The following PLPP4 variants were observed in gnomAD, a reference collection of about 807,000 sequenced individuals.
PLPP4 encodes the protein phospholipid phosphatase 4.
A neutral mutation model predicts 32.2 loss-of-function variants in PLPP4; 20 were observed. The ratio of observed to expected loss-of-function variants is 0.62; its 90% CI spans 0.44 to 0.90. The LOEUF (loss-of-function observed/expected upper bound fraction) is 0.90. PLPP4 is among the 40% of genes least tolerant of loss of function. The probability of loss-of-function intolerance (pLI) is 0.00; values close to 1 mark genes in which losing one functional copy is unlikely to be tolerated. For synonymous variants in PLPP4, 127 were observed against 133.0 expected (o/e 0.95, Z 0.31); for missense variants, 257 against 353.1 (o/e 0.73, Z 2.18).
At chr10:120,538,992 A>G (rs978685740) in intron 5 of PLPP4, among the ~76,000 whole-genome samples, 16 of 152,218 alleles carry the variant, frequency 1.1e-4, no homozygotes, top group African/African-American at 3.9e-4. Flanking sequence ...CAGACTCCAC[A>G]GGAGATATTG....
Position 120,580,675 on chromosome 10 carries a change from AC to A in PLPP4, c.616+5375del, listed in dbSNP as rs1564855636. Among the ~76,000 whole-genome samples the A allele has an allele frequency of 7.6e-3, 1,020 of 133,628 alleles. 17 individuals carry two copies. The highest frequency in any genetic ancestry group is 0.026 in the African/African-American group (951 of 36,642). 87.7% of individuals were successfully genotyped at this position (133,628 alleles called of 152,430 possible). A position where few individuals can be genotyped will look rare whatever the true frequency, so the allele number is the denominator to read the frequency against. ...CACACACACACACACACACACACAC[AC>A]ACACGGCTGAGGGACATACACTGTT... On this transcript the variant is annotated intron_variant, in intron 6 of 6. Transcript: ENST00000398250.
intron 6 of PLPP4, among the ~76,000 whole-genome samples, chr10:120,583,456 A>G (rs1182461333): frequency 1.3e-5 from 2 of 152,078 alleles, no homozygotes; most frequent in Non-Finnish European, 2.9e-5. Context: ...AGCTTTCTTT[A>G]TAATTCTCAA....
At chr10:120,479,961 G>A (rs1249013107) in intron 1 of PLPP4, among the ~76,000 whole-genome samples, 1 of 152,186 alleles carries the variant, frequency 6.6e-6, no homozygotes, top group Non-Finnish European at 1.5e-5. Context: ...GCTCTCTAAA[G>A]CAAGTTAGTT....
At chr10:120,539,998 G>GC (rs1721191618) in intron 5 of PLPP4, among the ~76,000 whole-genome samples, 1 of 70,332 alleles carries the variant, frequency 1.4e-5, no homozygotes, top group Non-Finnish European at 3.3e-5. Context: ...TAGTAAACTT[G>GC]TAAAAAAAAA....
chr10:120,477,067 A>G (rs1393045027), intron 1 of PLPP4, among the ~76,000 whole-genome samples: 1 of 152,162 alleles, frequency 6.6e-6, no homozygotes, highest in Admixed American at 6.5e-5. Context: ...CCTGGATGTC[A>G]GCAGACTTGT....
Position 120,468,321 on chromosome 10 carries a change from G to A in PLPP4, c.56+10960G>A, listed in dbSNP as rs1848394980. Among the ~76,000 whole-genome samples, 2 of 65,358 alleles carry A rather than the reference G, an allele frequency of 3.1e-5. 1 individual carries two copies. Among genetic ancestry groups the A allele is most frequent in the Non-Finnish European group, 8.9e-5 (2 of 22,396 alleles). 42.9% of individuals were successfully genotyped at this position (65,358 alleles called of 152,430 possible). A position where few individuals can be genotyped will look rare whatever the true frequency, so the allele number is the denominator to read the frequency against. ...GTAGAAGCTTTTTATGTGCTACAAT[G>A]AAAGAATGTGCAGCTATTGAAGTTA... On this transcript the variant is annotated intron_variant, in intron 1 of 6. Coordinates refer to ENST00000398250, the MANE Select transcript of PLPP4 (RefSeq NM_001030059.3).
intron 1 of PLPP4, among the ~76,000 whole-genome samples, chr10:120,486,982 A>G (rs1844488657): frequency 6.6e-6 from 1 of 152,228 alleles, no homozygotes; most frequent in African/African-American, 2.4e-5. Flanking sequence ...CTTCTCCTTC[A>G]CTGTCTCCAT....
rs528233666 is a variant in PLPP4, at chr10:120,484,605, G to A, written c.57-19213G>A. On this transcript the variant is annotated intron_variant, in intron 1 of 6. Coordinates refer to ENST00000398250, the MANE Select transcript of PLPP4 (RefSeq NM_001030059.3). ...CCTTATGGCCTAATTACCTCTTAAA[G>A]TTCCCATGTCTTAATATGCTGCATT... is the stretch of plus-strand genomic sequence containing the variant. Among the ~76,000 whole-genome samples the A allele has an allele frequency of 8.5e-5, 13 of 152,322 alleles. No individual in the cohort carries two copies. The South Asian group carries it at 2.7e-3, about 32-fold the overall frequency.
chr10:120,479,044 G>A (rs929670643), intron 1 of PLPP4, among the ~76,000 whole-genome samples: 38 of 152,296 alleles, frequency 2.5e-4, no homozygotes, highest in Non-Finnish European at 5.1e-4. Context: ...GGCTAACATG[G>A]TGAAACCCCA....
chr10:120,557,500 C>T (rs983824581), intron 5 of PLPP4, among the ~76,000 whole-genome samples: 1 of 152,170 alleles, frequency 6.6e-6, no homozygotes, highest in Non-Finnish European at 1.5e-5. Context: ...GTTCATTGCA[C>T]TTGAATAATG....
chr10:120,458,546 A>C (rs1847895707), intron 1 of PLPP4, among the ~76,000 whole-genome samples: 1 of 152,064 alleles, frequency 6.6e-6, no homozygotes. Flanking sequence ...CCTTTCTTGC[A>C]TGTTTTTCTT....
At chr10:120,520,846 T>A in intron 4 of PLPP4, 125 bp from the exon 5 acceptor site, 1 of 1,168,076 alleles carries the variant, frequency 8.6e-7, no homozygotes, top group Non-Finnish European at 1.2e-6. Context: ...TGTGAGGAGC[T>A]CCAGTGTTGA....
At chr10:120,459,864 A>C (rs1847962807) in intron 1 of PLPP4, among the ~76,000 whole-genome samples, 1 of 152,178 alleles carries the variant, frequency 6.6e-6, no homozygotes, top group South Asian at 2.1e-4. Context: ...TATGCTCCTC[A>C]AAGATTCCAA....
chr10:120,583,040 C>T (rs1405933753), intron 6 of PLPP4, among the ~76,000 whole-genome samples: 1 of 151,770 alleles, frequency 6.6e-6, no homozygotes. Context: ...AAAAGAACAA[C>T]AAAAAAATCA....
chr10:120,482,996 C>A (rs1844279756), intron 1 of PLPP4, among the ~76,000 whole-genome samples: 1 of 152,164 alleles, frequency 6.6e-6, no homozygotes, highest in South Asian at 2.1e-4. Flanking sequence ...CACCCTCAAT[C>A]TGGGTGGGCA....
intron 1 of PLPP4, among the ~76,000 whole-genome samples, chr10:120,482,915 C>T (rs969894613): frequency 3.9e-4 from 59 of 151,984 alleles, no homozygotes; most frequent in Admixed American, 2.8e-3. Context: ...CTGTATTATT[C>T]CTGGGTGTGT....
At chr10:120,587,067 AAGGGAT>A (rs1849798490) in intron 6 of PLPP4, among the ~76,000 whole-genome samples, 1 of 152,178 alleles carries the variant, frequency 6.6e-6, no homozygotes, top group African/African-American at 2.4e-5. Flanking sequence ...GCATGAGGAG[AAGGGAT>A]TCCTGGGAAT....
At chr10:120,516,489 A>T (rs1054195861) in intron 3 of PLPP4, among the ~76,000 whole-genome samples, 3 of 133,972 alleles carry the variant, frequency 2.2e-5, no homozygotes, top group African/African-American at 8.4e-5. Context: ...CTCTTATAAA[A>T]GCACGATAGT....
At chr10:120,469,873 A>G (rs1297900595) in intron 1 of PLPP4, among the ~76,000 whole-genome samples, 3 of 152,214 alleles carry the variant, frequency 2.0e-5, no homozygotes, top group Non-Finnish European at 4.4e-5. Context: ...GTTCCATTGT[A>G]TTAACCTATT....
Sources: gnomAD v4.1 joint callset for allele counts (sites outside exome capture counted in the v4.1 genomes callset) on GRCh38, gnomAD v4.1.1 for gene constraint, MANE v1.5 for transcripts, NCBI Gene and HGNC (gene_info 2026-07-23, HGNC 2026-07-21) for gene names.